Variants in PHEX observed in about 807,000 individuals in gnomAD.
PHEX encodes the protein phosphate regulating endopeptidase X-linked.
PHEX carries 16 observed loss-of-function variants against 68.0 expected under a neutral mutation model. That is an observed-to-expected ratio of 0.24 (90% CI 0.16 to 0.36). The LOEUF is 0.36. Among genes scored for constraint, PHEX ranks in the 10% least tolerant of loss-of-function variants. The pLI is 1.00. For missense variants in PHEX, 480 were observed against 575.5 expected (o/e 0.83, Z 1.70); for synonymous variants, 208 against 205.1 (o/e 1.01, Z -0.12).
In PHEX at chrX:22,247,961, G is replaced by A. The variant is rs781727969; in HGVS notation, c.*8G>A. 2 of 1,147,216 alleles carry A rather than the reference G, an allele frequency of 1.7e-6. No individual in the cohort carries two copies. Among genetic ancestry groups the A allele is most frequent in the Non-Finnish European group, 2.4e-6 (2 of 836,536 alleles). The allele number at this position is 1,147,216 out of a possible 1,213,427, so 94.5% of individuals were successfully genotyped here. A position where few individuals can be genotyped will look rare whatever the true frequency, so the allele number is the denominator to read the frequency against. On this transcript the variant is annotated 3_prime_UTR_variant, in exon 22 of 22. Coordinates refer to ENST00000379374, the MANE Select transcript of PHEX (RefSeq NM_000444.6). ...TCCTGCCGACTCTGGTAGCTGGGAC[G>A]CTGGTTTATGGCATCCTGAGACAGT...
intron 2 of PHEX, among the ~76,000 whole-genome samples, chrX:22,046,644 T>C (rs1927544996): frequency 9.5e-6 from 1 of 105,027 alleles, no homozygotes; most frequent in Non-Finnish European, 1.9e-5. Context: ...CTCAGCTCAC[T>C]GCAACCTCTG....
intron 3 of PHEX, among the ~76,000 whole-genome samples, chrX:22,062,807 C>A (rs779823677): frequency 9.0e-6 from 1 of 111,440 alleles, no homozygotes; most frequent in South Asian, 3.8e-4. Context: ...GTTGCCCAGG[C>A]TGTAGTGCAG....
intron 13 of PHEX, among the ~76,000 whole-genome samples, chrX:22,173,826 C>A (rs1933616746): frequency 1.8e-5 from 2 of 111,612 alleles, no homozygotes; most frequent in South Asian, 7.5e-4. Context: ...TTTACACTTC[C>A]TACTGGCACA....
intron 1 of PHEX, 122 bp from the exon 2 acceptor site, chrX:22,038,347 A>C: frequency 1.7e-6 from 1 of 574,025 alleles, no homozygotes; most frequent in Non-Finnish European, 3.2e-6. Flanking sequence ...TGGGTTTTGG[A>C]ATACCGTGTC....
At chrX:22,235,367 G>C (rs1044645947) in intron 20 of PHEX, among the ~76,000 whole-genome samples, 3 of 112,121 alleles carry the variant, frequency 2.7e-5, no homozygotes. Flanking sequence ...TCCTGTTTTA[G>C]ACAGTTTGGG....
At chrX:22,206,751 A>G (rs1035200283) in intron 15 of PHEX, among the ~76,000 whole-genome samples, 3 of 111,484 alleles carry the variant, frequency 2.7e-5, no homozygotes, top group Non-Finnish European at 3.8e-5. Context: ...CCTTCTATAC[A>G]GTGTGAATTT....
intron 14 of PHEX, among the ~76,000 whole-genome samples, chrX:22,189,931 C>G: frequency 8.9e-6 from 1 of 112,423 alleles, no homozygotes; most frequent in Middle Eastern, 4.6e-3. Flanking sequence ...ACACTTTCCA[C>G]TGGAGCAGGC....
At chrX:22,246,394 G>T (rs2301328) in intron 21 of PHEX, among the ~76,000 whole-genome samples, 8,221 of 111,498 alleles carry the variant, frequency 0.074, 547 homozygotes, top group East Asian at 0.22. Context: ...TCTTCTATAT[G>T]TTAAAATCTT....
intron 11 of PHEX, among the ~76,000 whole-genome samples, chrX:22,115,685 TATA>T (rs751720122): frequency 8.9e-5 from 10 of 112,388 alleles, no homozygotes; most frequent in African/African-American, 3.2e-4. Flanking sequence ...AGTGAGATCA[TATA>T]ATATTTGTCT....
intron 3 of PHEX, among the ~76,000 whole-genome samples, chrX:22,060,706 A>G (rs926746515): frequency 3.6e-5 from 4 of 111,615 alleles, no homozygotes; most frequent in African/African-American, 1.3e-4. Context: ...GAAACATTTC[A>G]CTTTAGAAGA....
chrX:22,123,318 C>T (rs1931570374), intron 11 of PHEX, among the ~76,000 whole-genome samples: 1 of 110,741 alleles, frequency 9.0e-6, no homozygotes, highest in Non-Finnish European at 1.9e-5. Context: ...TGCAAAGTCA[C>T]ACAGTAAGGG....
intron 2 of PHEX, among the ~76,000 whole-genome samples, chrX:22,043,219 A>G (rs1424852963): frequency 2.7e-5 from 3 of 112,427 alleles, no homozygotes; most frequent in African/African-American, 9.7e-5. Context: ...AGATTTAGCT[A>G]ACTACATACA....
At chrX:22,105,297 G>C (rs1018989008) in intron 9 of PHEX, among the ~76,000 whole-genome samples, 1 of 112,606 alleles carries the variant, frequency 8.9e-6, no homozygotes, top group African/African-American at 3.2e-5. Flanking sequence ...GTTGAGCTGT[G>C]TGTGCAGAAC....
intron 3 of PHEX, among the ~76,000 whole-genome samples, chrX:22,052,342 C>T (rs1460660503): frequency 8.9e-6 from 1 of 111,893 alleles, no homozygotes; most frequent in Non-Finnish European, 1.9e-5. Flanking sequence ...TTTCTCATGC[C>T]TCAGCCTCCC....
At chrX:22,166,402 T>C (rs1219413950) in intron 12 of PHEX, among the ~76,000 whole-genome samples, 1 of 111,679 alleles carries the variant, frequency 9.0e-6, no homozygotes, top group Non-Finnish European at 1.9e-5. Flanking sequence ...CATCCTCATG[T>C]ACTTATAGTC....
intron 3 of PHEX, among the ~76,000 whole-genome samples, chrX:22,073,778 TAC>T (rs1212783934): frequency 9.3e-6 from 1 of 107,199 alleles, no homozygotes. Flanking sequence ...TAGCTGGGAC[TAC>T]AGGTGTGCGC....
intron 14 of PHEX, among the ~76,000 whole-genome samples, chrX:22,185,808 T>C (rs1602369672): frequency 1.0e-5 from 1 of 99,221 alleles, no homozygotes; most frequent in Non-Finnish European, 2.0e-5. Flanking sequence ...CAGGCTGGAG[T>C]ACATTGGCGT....
chrX:22,046,139 C>A (rs905808542), intron 2 of PHEX, among the ~76,000 whole-genome samples: 1 of 111,952 alleles, frequency 8.9e-6, no homozygotes, highest in African/African-American at 3.2e-5. Context: ...GAATGATGGC[C>A]TCAGTCAATG....
In PHEX at chrX:22,185,585, C is replaced by T. The variant is rs138568335; in HGVS notation, c.1587-4859C>T. ...AGCAAAACAGTTTTCTGGGAAGATT[C>T]AGCCCATTGGGTTGGACTTAGTCTG... is the stretch of plus-strand genomic sequence containing the variant. On this transcript the variant is annotated intron_variant, in intron 14 of 21. Transcript: ENST00000379374. Among the ~76,000 whole-genome samples, 497 of 111,413 alleles carry T rather than the reference C, an allele frequency of 4.5e-3. 3 individuals carry two copies. Among genetic ancestry groups the T allele is most frequent in the African/African-American group, 0.016 (475 of 30,572 alleles).
Sources: allele counts gnomAD v4.1 joint callset (sites outside exome capture counted in the v4.1 genomes callset), GRCh38; gene constraint gnomAD v4.1.1; transcripts MANE v1.5; gene names NCBI Gene and HGNC (gene_info 2026-07-23, HGNC 2026-07-21).